Variants in LRRTM4 observed in about 807,000 individuals in gnomAD.
The protein encoded by LRRTM4 is leucine rich repeat transmembrane neuronal 4.
Under a neutral mutation model 47.6 loss-of-function variants are expected in LRRTM4, and 25 were observed. The observed-to-expected ratio is 0.53, with a 90% CI of 0.38 to 0.73. LRRTM4 has a LOEUF of 0.73. Among genes scored for constraint, LRRTM4 ranks in the 30% least tolerant of loss-of-function variants. LRRTM4 has a pLI of 0.00. For missense variants in LRRTM4, 638 were observed against 713.4 expected (o/e 0.89, Z 1.20); for synonymous variants, 311 against 269.5 (o/e 1.15, Z -1.51).
intron 3 of LRRTM4, among the ~76,000 whole-genome samples, chr2:77,348,791 A>AT (rs1553432345): frequency 1.3e-5 from 2 of 149,504 alleles, no homozygotes; most frequent in Admixed American, 6.7e-5. Context: ...ATTAATACAA[A>AT]ATATATATAT....
At chr2:76,988,289 A>G (rs139210055) in intron 3 of LRRTM4, among the ~76,000 whole-genome samples, 1 of 151,996 alleles carries the variant, frequency 6.6e-6, no homozygotes, top group East Asian at 1.9e-4. Context: ...AAGGAAAGAA[A>G]AGAGTAGAAT....
At chr2:77,054,314 T>G (rs2103781382) in intron 3 of LRRTM4, among the ~76,000 whole-genome samples, 1 of 152,338 alleles carries the variant, frequency 6.6e-6, no homozygotes, top group African/African-American at 2.4e-5. Context: ...TTGTACATTG[T>G]TCAAAACTAC....
rs56140303 is a variant in LRRTM4 at position 76,936,954 on chromosome 2, C to CAAAAAAAAAAAAAAAAA, written c.1552-188055_1552-188039dup. 7.5e-4 allele frequency among the ~76,000 whole-genome samples: 17 copies of CAAAAAAAAAAAAAAAAA among 22,692 alleles called. 2 individuals are homozygous for CAAAAAAAAAAAAAAAAA. Among genetic ancestry groups the CAAAAAAAAAAAAAAAAA allele is most frequent in the East Asian group, 1.2e-3 (1 of 806 alleles). 14.9% of individuals were successfully genotyped at this position (22,692 alleles called of 152,430 possible). A position where few individuals can be genotyped will look rare whatever the true frequency, so the allele number is the denominator to read the frequency against. On this transcript the variant is annotated intron_variant, in intron 3 of 3. Transcript: ENST00000409884. ...TGGGCGACAGAGCAAGACTCCATCTCAAAAAAAAAAAAAAAAAAAAAAAAA... is the reference window on the plus strand; with the variant it reads ...TGGGCGACAGAGCAAGACTCCATCTCAAAAAAAAAAAAAAAAAAAAAAAAAAAAAAAAAAAAAAAAAA...
chr2:77,049,399 A>G (rs1679351582), intron 3 of LRRTM4, among the ~76,000 whole-genome samples: 4 of 151,422 alleles, frequency 2.6e-5, no homozygotes, highest in African/African-American at 9.7e-5. Flanking sequence ...TGGCTGTGCT[A>G]ATTTACATTC....
At chr2:77,114,066 G>C (rs1671324142) in intron 3 of LRRTM4, among the ~76,000 whole-genome samples, 1 of 152,130 alleles carries the variant, frequency 6.6e-6, no homozygotes, top group Non-Finnish European at 1.5e-5. Flanking sequence ...AGGCTGATCA[G>C]ATAACGAAGG....
intron 3 of LRRTM4, among the ~76,000 whole-genome samples, chr2:76,860,306 G>A (rs1329899392): frequency 6.6e-6 from 1 of 152,162 alleles, no homozygotes; most frequent in Non-Finnish European, 1.5e-5. Context: ...ACAAAAAGCA[G>A]TCAGAACAGT....
chr2:77,281,298 T>G (rs1373873401), intron 3 of LRRTM4, among the ~76,000 whole-genome samples: 1 of 151,956 alleles, frequency 6.6e-6, no homozygotes, highest in East Asian at 1.9e-4. Flanking sequence ...GAATCTCAAA[T>G]TATTCATGAT....
intron 3 of LRRTM4, among the ~76,000 whole-genome samples, chr2:77,515,160 A>G (rs1679160545): frequency 6.6e-6 from 1 of 151,842 alleles, no homozygotes; most frequent in African/African-American, 2.4e-5. Flanking sequence ...TACTTGTGCT[A>G]TAATTCATAT....
intron 3 of LRRTM4, among the ~76,000 whole-genome samples, chr2:77,010,977 A>G (rs551382787): frequency 6.6e-6 from 1 of 152,130 alleles, no homozygotes; most frequent in African/African-American, 2.4e-5. Flanking sequence ...GACTTTCTCT[A>G]ACATTATTCA....
chr2:77,058,380 G>A (rs1679676001), intron 3 of LRRTM4, among the ~76,000 whole-genome samples: 1 of 152,158 alleles, frequency 6.6e-6, no homozygotes, highest in Non-Finnish European at 1.5e-5. Context: ...GCGAATTGGG[G>A]AGTACTTAGG....
intron 3 of LRRTM4, among the ~76,000 whole-genome samples, chr2:76,779,590 C>CT (rs536113824): frequency 8.1e-5 from 12 of 147,366 alleles, no homozygotes; most frequent in Non-Finnish European, 1.3e-4. Flanking sequence ...CAACCCCTGC[C>CT]TTTTTTTGTT....
chr2:76,898,157 C>G (rs974278623), intron 3 of LRRTM4, among the ~76,000 whole-genome samples: 2 of 151,858 alleles, frequency 1.3e-5, no homozygotes, highest in African/African-American at 2.4e-5. Flanking sequence ...TTTTTAAACT[C>G]TGTATGAAAA....
intron 3 of LRRTM4, among the ~76,000 whole-genome samples, chr2:77,046,342 GCCAA>G (rs1403263907): frequency 1.4e-4 from 22 of 151,894 alleles, no homozygotes; most frequent in Admixed American, 1.3e-3. Context: ...TTAACACACG[GCCAA>G]CCAAAGTGCA....
At chr2:77,019,931 G>A (rs79955002) in intron 3 of LRRTM4, among the ~76,000 whole-genome samples, 3 of 152,060 alleles carry the variant, frequency 2.0e-5, no homozygotes, top group East Asian at 1.9e-4. Flanking sequence ...GTGGAGGCTC[G>A]AAAGGAAGCA....
chr2:77,176,086 G>A (rs10210488), intron 3 of LRRTM4, among the ~76,000 whole-genome samples: 9,189 of 151,910 alleles, frequency 0.06, 640 homozygotes, highest in African/African-American at 0.17. Context: ...TTCGAACACC[G>A]GAGATCCCCT....
At chr2:76,774,057 T>A (rs567275930) in intron 3 of LRRTM4, among the ~76,000 whole-genome samples, 6 of 152,298 alleles carry the variant, frequency 3.9e-5, no homozygotes, top group African/African-American at 1.4e-4. Context: ...CCCGAAAACT[T>A]AGCTACTAAT....
intron 3 of LRRTM4, among the ~76,000 whole-genome samples, chr2:77,071,228 T>C (rs1401504988): frequency 4.6e-5 from 7 of 152,204 alleles, no homozygotes; most frequent in African/African-American, 1.7e-4. Context: ...TTAGATTCTA[T>C]ACAATAATTA....
rs1232342145 is a variant in LRRTM4, at chr2:77,064,382, G to A, written c.1552-315466C>T. ...ATATAGTAGAGATAAAATAAAGCAT[G>A]GAAAGCTACAGAGGAAGCTAAGAAA... On this transcript the variant is annotated intron_variant, in intron 3 of 3. Coordinates refer to ENST00000409884, the MANE Select transcript of LRRTM4 (RefSeq NM_001134745.3). Among the ~76,000 whole-genome samples, 3 of 152,082 alleles carry A rather than the reference G, an allele frequency of 2.0e-5. No individual in the cohort carries two copies. The East Asian group carries it at 5.8e-4, about 29-fold the overall frequency.
chr2:77,136,075 G>A (rs1201404547), intron 3 of LRRTM4, among the ~76,000 whole-genome samples: 1 of 152,150 alleles, frequency 6.6e-6, no homozygotes, highest in African/African-American at 2.4e-5. Context: ...CCCAGCCTGA[G>A]TGACGCAGAA....
Sources: allele counts gnomAD v4.1 joint callset (sites outside exome capture counted in the v4.1 genomes callset), GRCh38; gene constraint gnomAD v4.1.1; transcripts MANE v1.5; gene names NCBI Gene and HGNC (gene_info 2026-07-23, HGNC 2026-07-21).